Variants in ADAMTSL1 observed in about 807,000 individuals in gnomAD.
The protein encoded by ADAMTSL1 is ADAMTS-like protein 1.
ADAMTSL1 carries 126 observed loss-of-function variants against 201.8 expected under a neutral mutation model. The ratio of observed to expected loss-of-function variants is 0.62; its 90% CI spans 0.54 to 0.72. The LOEUF (loss-of-function observed/expected upper bound fraction) is 0.72, where lower values mean the gene tolerates loss of function less well. ADAMTSL1 is among the 30% of genes least tolerant of loss of function. The pLI is 0.00. For synonymous variants in ADAMTSL1, 1,121 were observed against 903.4 expected (o/e 1.24, Z -4.32); for missense variants, 2,679 against 2,277.8 (o/e 1.18, Z -3.59).
intron 2 of ADAMTSL1, among the ~76,000 whole-genome samples, chr9:18,371,875 G>A (rs965408531): frequency 2.6e-5 from 4 of 152,128 alleles, no homozygotes; most frequent in Non-Finnish European, 5.9e-5. Flanking sequence ...TCCCTACAAG[G>A]GCTCTGGGCT....
intron 2 of ADAMTSL1, among the ~76,000 whole-genome samples, chr9:18,281,225 TAAAC>T (rs1267612254): frequency 6.6e-6 from 1 of 152,084 alleles, no homozygotes; most frequent in Non-Finnish European, 1.5e-5. Flanking sequence ...ATTAATATAA[TAAAC>T]AAATGCTATA....
intron 2 of ADAMTSL1, among the ~76,000 whole-genome samples, chr9:18,199,789 C>A (rs527251621): frequency 1.3e-4 from 20 of 152,172 alleles, no homozygotes; most frequent in Non-Finnish European, 2.2e-4. Flanking sequence ...TTATAAAATT[C>A]TTCATTATTG....
At chr9:18,072,007 A>G (rs1350098779) in intron 1 of ADAMTSL1, among the ~76,000 whole-genome samples, 1 of 152,120 alleles carries the variant, frequency 6.6e-6, no homozygotes, top group East Asian at 1.9e-4. Flanking sequence ...CAGTGCCAGA[A>G]CCTTTCTAAG....
At chr9:18,552,168 T>C (rs1820831976) in intron 3 of ADAMTSL1, among the ~76,000 whole-genome samples, 1 of 151,902 alleles carries the variant, frequency 6.6e-6, no homozygotes, top group African/African-American at 2.4e-5. Context: ...GTACTTTTTG[T>C]AATTCCTTAG....
chr9:18,156,209 A>T (rs993893714), intron 1 of ADAMTSL1, among the ~76,000 whole-genome samples: 1 of 152,036 alleles, frequency 6.6e-6, no homozygotes, highest in African/African-American at 2.4e-5. Context: ...AGGTGGGTTC[A>T]GAATACAACA....
intron 2 of ADAMTSL1, among the ~76,000 whole-genome samples, chr9:18,359,823 A>ACCCC (rs1563911432): frequency 1.2e-4 from 5 of 42,196 alleles, no homozygotes; most frequent in Non-Finnish European, 2.3e-4. Flanking sequence ...CCACCTCCCC[A>ACCCC]CCCGCCCCCC....
rs183676120 is a variant in ADAMTSL1 at position 18,749,228 on chromosome 9, G to A, written c.2007-4070G>A. ...AGACACAGGTCAACACATAACAAGT[G>A]GTAAACCAAAATAGACATAGCCCCA... On this transcript the variant is annotated intron_variant, in intron 15 of 28. Coordinates refer to ENST00000380548, the MANE Select transcript of ADAMTSL1 (RefSeq NM_001040272.6). Among the ~76,000 whole-genome samples the A allele has an allele frequency of 2.3e-4, 35 of 152,150 alleles. 1 individual carries two copies. The East Asian group carries it at 6.6e-3, about 29-fold the overall frequency.
At chr9:17,941,962 C>A (rs1827256086) in intron 1 of ADAMTSL1, among the ~76,000 whole-genome samples, 2 of 152,162 alleles carry the variant, frequency 1.3e-5, no homozygotes, top group East Asian at 1.9e-4. Context: ...AATTGCCTAC[C>A]AAAGGCCCCA....
intron 23 of ADAMTSL1, among the ~76,000 whole-genome samples, chr9:18,884,219 A>T (rs1828711771): frequency 6.6e-6 from 1 of 152,130 alleles, no homozygotes; most frequent in Non-Finnish European, 1.5e-5. Flanking sequence ...TCTTTTGGAG[A>T]AATGTCTGCT....
At chr9:18,643,723 C>G (rs997096576) in intron 7 of ADAMTSL1, among the ~76,000 whole-genome samples, 1 of 151,922 alleles carries the variant, frequency 6.6e-6, no homozygotes, top group Admixed American at 6.6e-5. Flanking sequence ...GCTGTCTTCT[C>G]TTTCATTGGT....
intron 2 of ADAMTSL1, among the ~76,000 whole-genome samples, chr9:18,317,497 T>A (rs1834452798): frequency 6.6e-6 from 1 of 152,190 alleles, no homozygotes; most frequent in Non-Finnish European, 1.5e-5. Context: ...CATTTCACAA[T>A]GTATACATTT....
chr9:18,546,628 T>C (rs770674708), intron 3 of ADAMTSL1, among the ~76,000 whole-genome samples: 1 of 152,218 alleles, frequency 6.6e-6, no homozygotes, highest in Admixed American at 6.6e-5. Context: ...TTATACCTTT[T>C]TATTTTTTCT....
At chr9:18,442,730 C>A (rs935896463) in intron 2 of ADAMTSL1, among the ~76,000 whole-genome samples, 1 of 152,168 alleles carries the variant, frequency 6.6e-6, no homozygotes, top group African/African-American at 2.4e-5. Context: ...TTTCTTTTAT[C>A]TTTAAACGTT....
intron 13 of ADAMTSL1, among the ~76,000 whole-genome samples, chr9:18,689,591 A>G (rs913133013): frequency 2.0e-5 from 3 of 152,196 alleles, no homozygotes; most frequent in Non-Finnish European, 4.4e-5. Flanking sequence ...CTGATCTCCA[A>G]AACAAGGCAT....
In ADAMTSL1 at chr9:18,718,426, T is replaced by C. The variant is rs572377547; in HGVS notation, c.1877-3110T>C. 4.6e-6 allele frequency: 3 copies of C among 651,820 alleles called. No homozygotes were observed. The East Asian group carries it at 1.1e-4, about 24-fold the overall frequency. 40.4% of individuals were successfully genotyped at this position (651,820 alleles called of 1,614,324 possible). ...TGCTTTCTATAAGAATCTTCTATCA[T>C]AGGACATATTTTTCAACAAAAATTC... On this transcript the variant is annotated intron_variant, in intron 14 of 28. Transcript: ENST00000380548.
At chr9:18,716,604 A>T (rs1307590938) in intron 14 of ADAMTSL1, among the ~76,000 whole-genome samples, 3 of 138,126 alleles carry the variant, frequency 2.2e-5, no homozygotes, top group Non-Finnish European at 3.1e-5. Context: ...GCTGGAGAGG[A>T]TGTGGAGAAA....
intron 2 of ADAMTSL1, among the ~76,000 whole-genome samples, chr9:18,198,927 C>A (rs62551341): frequency 0.022 from 3,164 of 140,714 alleles, 95 homozygotes; most frequent in Admixed American, 0.08. Context: ...TACTATGCAG[C>A]CATAAAAAAT....
At chr9:18,641,862 A>C (rs1827462406) in intron 7 of ADAMTSL1, among the ~76,000 whole-genome samples, 1 of 151,996 alleles carries the variant, frequency 6.6e-6, no homozygotes, top group South Asian at 2.1e-4. Flanking sequence ...AGCTTTCAGT[A>C]GCATTCAAAG....
chr9:17,995,767 T>A (rs1819349729), intron 1 of ADAMTSL1, among the ~76,000 whole-genome samples: 1 of 151,510 alleles, frequency 6.6e-6, no homozygotes, highest in East Asian at 1.9e-4. Flanking sequence ...GGAGTTAGAG[T>A]GCTAAAAACA....
Sources: allele counts gnomAD v4.1 joint callset (sites outside exome capture counted in the v4.1 genomes callset), GRCh38; gene constraint gnomAD v4.1.1; transcripts MANE v1.5; gene names NCBI Gene and HGNC (gene_info 2026-07-23, HGNC 2026-07-21).